PCDHA1: variants seen among roughly 807,000 people sequenced by gnomAD.
PCDHA1 encodes the protein protocadherin alpha 1, also known as protocadherin alpha-1.
In PCDHA1, 42 loss-of-function variants were observed where a neutral mutation model predicts 61.3. That is an observed-to-expected ratio of 0.69 (90% CI 0.54 to 0.89). PCDHA1 has a LOEUF of 0.89. PCDHA1 is among the 40% of genes least tolerant of loss of function. PCDHA1 has a pLI of 0.00. For synonymous variants in PCDHA1, 610 were observed against 553.8 expected (o/e 1.10, Z -1.43); for missense variants, 1,256 against 1,235.3 (o/e 1.02, Z -0.25).
At chr5:140,823,734 T>G (rs2150128605) in intron 1 of PCDHA1, 2 of 1,613,778 alleles carry the variant, frequency 1.2e-6, no homozygotes. Flanking sequence ...TGAAGGACCA[T>G]GGAGAGCCCC....
chr5:140,868,172 ATC>A (rs1554161787), intron 1 of PCDHA1: 1 of 152,152 alleles, frequency 6.6e-6, no homozygotes. Context: ...AAATTTTGAT[ATC>A]TCATATTATG....
chr5:140,963,964 C>T (rs1207514831), intron 1 of PCDHA1, among the ~76,000 whole-genome samples: 1 of 152,182 alleles, frequency 6.6e-6, no homozygotes, highest in Non-Finnish European at 1.5e-5. Flanking sequence ...AGGAGTGTGA[C>T]TGACTCCAAA....
chr5:140,978,544 A>G (rs2096808919), intron 1 of PCDHA1, among the ~76,000 whole-genome samples: 1 of 152,234 alleles, frequency 6.6e-6, no homozygotes, highest in Non-Finnish European at 1.5e-5. Context: ...TTGTGTAGCC[A>G]TGTGCCCTGT....
intron 1 of PCDHA1, among the ~76,000 whole-genome samples, chr5:140,840,645 G>A (rs1346934445): frequency 2.6e-5 from 4 of 152,068 alleles, no homozygotes; most frequent in Middle Eastern, 3.4e-3. Context: ...TAGAGAAATA[G>A]TGTAAAGAAT....
intron 1 of PCDHA1, among the ~76,000 whole-genome samples, chr5:140,791,023 A>G (rs1223012183): frequency 6.6e-6 from 1 of 152,252 alleles, no homozygotes. Context: ...AAATCTTCAT[A>G]TAGTTAACAC....
intron 1 of PCDHA1, chr5:140,829,676 G>T (rs1770484799): frequency 2.5e-6 from 4 of 1,613,004 alleles, no homozygotes; most frequent in Admixed American, 1.7e-5. Context: ...CGAGGAGCTA[G>T]AGCTGCTGCA....
intron 1 of PCDHA1, chr5:140,802,493 G>A (rs782338316): frequency 1.2e-6 from 2 of 1,614,166 alleles, no homozygotes; most frequent in Admixed American, 1.7e-5. Context: ...ACGGGGGCTC[G>A]CCTTCACTGT....
At chr5:140,794,568 C>T (rs1474634312) in intron 1 of PCDHA1, among the ~76,000 whole-genome samples, 1 of 152,150 alleles carries the variant, frequency 6.6e-6, no homozygotes, top group African/African-American at 2.4e-5. Context: ...TGTGAATATA[C>T]TTAACATTAC....
chr5:140,879,097 G>T (rs2057851255), intron 1 of PCDHA1, among the ~76,000 whole-genome samples: 1 of 152,214 alleles, frequency 6.6e-6, no homozygotes, highest in Non-Finnish European at 1.5e-5. Flanking sequence ...CAACTGCACA[G>T]TATATGGTGT....
At chr5:140,803,528 T>C (rs1581662302) in intron 1 of PCDHA1, 2 of 1,614,204 alleles carry the variant, frequency 1.2e-6, no homozygotes, top group East Asian at 2.2e-5. Flanking sequence ...CTAGCCTTCC[T>C]CCTTGTCCAA....
chr5:140,850,154 G>A, intron 1 of PCDHA1: 1 of 1,595,410 alleles, frequency 6.3e-7, no homozygotes, highest in Non-Finnish European at 8.6e-7. Context: ...CGCTGCAGGT[G>A]TTCGTGCTGG....
intron 1 of PCDHA1, among the ~76,000 whole-genome samples, chr5:140,889,237 A>C (rs1181963973): frequency 6.6e-6 from 1 of 151,844 alleles, no homozygotes; most frequent in Non-Finnish European, 1.5e-5. Context: ...AACTTCCAGA[A>C]AATTTTCTGT....
chr5:140,796,786 T>G, intron 1 of PCDHA1: 1 of 1,614,138 alleles, frequency 6.2e-7, no homozygotes, highest in Non-Finnish European at 8.5e-7. Context: ...CGCGTGGCTT[T>G]CGTACGAGCT....
At chr5:140,898,712 T>C (rs1219344656) in intron 1 of PCDHA1, among the ~76,000 whole-genome samples, 2 of 152,206 alleles carry the variant, frequency 1.3e-5, no homozygotes, top group African/African-American at 4.8e-5. Flanking sequence ...AGTAGTTTTT[T>C]CCAATTCTGT....
chr5:140,861,259 G>A (rs1180244061), intron 1 of PCDHA1: 2 of 166,330 alleles, frequency 1.2e-5, no homozygotes, highest in Non-Finnish European at 2.6e-5. Flanking sequence ...AGGAATCCCG[G>A]AGCCTACAGC....
At chr5:140,966,454 C>T (rs897696652) in intron 1 of PCDHA1, 6 of 426,406 alleles carry the variant, frequency 1.4e-5, no homozygotes, top group Admixed American at 4.4e-5. Flanking sequence ...TCCCCCTCCC[C>T]CTCTGTCTTC....
At chr5:140,968,431 G>A in intron 1 of PCDHA1, 1 of 1,613,980 alleles carries the variant, frequency 6.2e-7, no homozygotes, top group Non-Finnish European at 8.5e-7. Context: ...AGGACAAGGG[G>A]AGCCCACCAC....
intron 1 of PCDHA1, chr5:140,864,049 A>G (rs2048299792): frequency 6.5e-6 from 1 of 152,910 alleles, no homozygotes; most frequent in Non-Finnish European, 1.5e-5. Flanking sequence ...ACTTTTTACT[A>G]CAGTCACCAT....
chr5:140,887,788 G>A (rs1384145646), intron 1 of PCDHA1, among the ~76,000 whole-genome samples: 4 of 152,006 alleles, frequency 2.6e-5, no homozygotes, highest in Admixed American at 6.6e-5. Flanking sequence ...TCATTGAAGC[G>A]TTCTTTATTT....
Sources: allele counts gnomAD v4.1 joint callset (sites outside exome capture counted in the v4.1 genomes callset), GRCh38; gene constraint gnomAD v4.1.1; transcripts MANE v1.5; gene names NCBI Gene and HGNC (gene_info 2026-07-23, HGNC 2026-07-21).